The following NAV2 variants were observed in gnomAD, a reference collection of about 807,000 sequenced individuals.
NAV2 encodes neuron navigator 2.
In NAV2, 54 loss-of-function variants were observed where a neutral mutation model predicts 223.2. The observed-to-expected ratio is 0.24, with a 90% CI of 0.19 to 0.30. The LOEUF (loss-of-function observed/expected upper bound fraction) is 0.30. NAV2 is among the 10% of genes least tolerant of loss of function. The pLI is 1.00. For synonymous variants in NAV2, 1,279 were observed against 1,239.3 expected (o/e 1.03, Z -0.67); for missense variants, 2,806 against 3,147.5 (o/e 0.89, Z 2.60).
At chr11:19,601,449 G>T (rs2046347674) in intron 1 of NAV2, among the ~76,000 whole-genome samples, 1 of 152,106 alleles carries the variant, frequency 6.6e-6, no homozygotes. Flanking sequence ...GGTGCTCTTG[G>T]GTATGTGTGT....
intron 6 of NAV2, among the ~76,000 whole-genome samples, chr11:19,903,594 A>G (rs2042621111): frequency 6.6e-6 from 1 of 151,938 alleles, no homozygotes; most frequent in South Asian, 2.1e-4. Context: ...GTGGAGTGGG[A>G]AATCTAAATG....
intron 6 of NAV2, among the ~76,000 whole-genome samples, chr11:19,920,745 A>T (rs2044210447): frequency 6.6e-6 from 1 of 152,202 alleles, no homozygotes; most frequent in South Asian, 2.1e-4. Context: ...GAACCCATTC[A>T]CAAAGTTCGA....
chr11:20,054,071 T>C lies in NAV2; in HGVS notation c.4482-9T>C, dbSNP rs764639277. The C allele has an allele frequency of 1.2e-6, 2 of 1,611,764 alleles. No homozygotes were observed. Among genetic ancestry groups the C allele is most frequent in the Non-Finnish European group, 1.7e-6 (2 of 1,179,500 alleles). On this transcript the variant is annotated splice_polypyrimidine_tract_variant and intron_variant, in intron 17 of 37. Transcript: ENST00000349880. ...ATAGTTAATTCCGGCTTGATTTCTG[T>C]CTGTCCAGGTATACTCCCACCTCCC...
chr11:19,863,019 A>G (rs2153026625), intron 3 of NAV2, among the ~76,000 whole-genome samples: 1 of 152,244 alleles, frequency 6.6e-6, no homozygotes, highest in South Asian at 2.1e-4. Flanking sequence ...GTGACCACAA[A>G]TGTTGATATC....
chr11:19,966,898 A>C (rs1036224617), intron 10 of NAV2, among the ~76,000 whole-genome samples: 1 of 152,170 alleles, frequency 6.6e-6, no homozygotes, highest in African/African-American at 2.4e-5. Flanking sequence ...CCTGTTGTGT[A>C]TGCTTGGGTA....
At chr11:20,040,518 C>T (rs899597916) in intron 12 of NAV2, among the ~76,000 whole-genome samples, 1 of 152,136 alleles carries the variant, frequency 6.6e-6, no homozygotes, top group East Asian at 1.9e-4. Context: ...AGTGGCAGCA[C>T]CGAACACTTG....
In NAV2 at chr11:19,399,878, CG is replaced by C. The variant is rs1203882498; in HGVS notation, c.75+48853del. Among the ~76,000 whole-genome samples the C allele has an allele frequency of 2.0e-5, 3 of 152,202 alleles. No homozygotes were observed. The East Asian group carries it at 5.8e-4, about 29-fold the overall frequency. On this transcript the variant is annotated intron_variant, in intron 1 of 37. Transcript: ENST00000360655. ...CTCTGATGGGATGGCTCTAGGAGTA[CG>C]GAAGAGAAGCCCCTTACCCAGCCTG...
intron 1 of NAV2, among the ~76,000 whole-genome samples, chr11:19,634,332 T>C (rs1177386585): frequency 6.6e-6 from 1 of 152,140 alleles, no homozygotes; most frequent in East Asian, 1.9e-4. Context: ...CCCTGGGGTC[T>C]ACTTGAAGGT....
chr11:19,831,224 G>C (rs1475057049), intron 1 of NAV2, among the ~76,000 whole-genome samples: 1 of 40,390 alleles, frequency 2.5e-5, no homozygotes, highest in Non-Finnish European at 5.8e-5. Flanking sequence ...GGAGTGTTGC[G>C]GGGGGGGGGG....
intron 11 of NAV2, among the ~76,000 whole-genome samples, chr11:20,008,551 G>A (rs1394821009): frequency 6.6e-6 from 1 of 152,148 alleles, no homozygotes; most frequent in Non-Finnish European, 1.5e-5. Flanking sequence ...TCTTAAGCTT[G>A]ACCCTTAGGA....
chr11:19,631,578 A>G (rs1349344922), intron 1 of NAV2, among the ~76,000 whole-genome samples: 2 of 152,308 alleles, frequency 1.3e-5, no homozygotes, highest in Non-Finnish European at 1.5e-5. Context: ...GTGTGCTCTC[A>G]TTACCTCCCC....
At chr11:19,804,893 T>A (rs1215426753) in intron 1 of NAV2, among the ~76,000 whole-genome samples, 1 of 152,218 alleles carries the variant, frequency 6.6e-6, no homozygotes, top group East Asian at 1.9e-4. Context: ...TTATGAAGAC[T>A]GTGCATTCCC....
intron 1 of NAV2, among the ~76,000 whole-genome samples, chr11:19,431,235 G>A (rs994868864): frequency 3.9e-5 from 6 of 152,114 alleles, no homozygotes; most frequent in African/African-American, 7.2e-5. Context: ...AGTGGGAATC[G>A]GCACAGCAGG....
At chr11:20,073,673 T>C (rs1248869182) in intron 22 of NAV2, among the ~76,000 whole-genome samples, 4 of 152,192 alleles carry the variant, frequency 2.6e-5, no homozygotes, top group African/African-American at 7.2e-5. Context: ...GGAGGGTGTA[T>C]GTGTCCAGGA....
chr11:19,926,107 G>GA (rs150478776), intron 6 of NAV2, among the ~76,000 whole-genome samples: 12 of 151,546 alleles, frequency 7.9e-5, no homozygotes, highest in African/African-American at 1.2e-4. Flanking sequence ...TGTATGTCTG[G>GA]AAAAAAAAGA....
Position 20,044,251 on chromosome 11 carries a change from G to T in NAV2, c.3178G>T (p.Ala1060Ser). Residue 1060 changes from alanine to serine, a missense_variant, in exon 13 of 38, where the codon GCA (alanine) becomes TCA (serine). Coordinates refer to ENST00000349880, the MANE Select transcript of NAV2 (RefSeq NM_145117.5). ...PRTKPSAPAG[A>S]LKTPGTGKTD... The stretch of plus-strand genomic sequence containing the variant: ...GACGAAGCCTTCAGCCCCGGCAGGC[G>T]CACTGAAGACCCCAGGAACTGGTAA... 4.3e-6 allele frequency: 7 copies of T among 1,611,588 alleles called. No individual in the cohort carries two copies. The highest frequency in any genetic ancestry group is 5.9e-6 in the Non-Finnish European group (7 of 1,178,074).
chr11:19,714,100 C>A, intron 1 of NAV2, 138 bp downstream of exon 1: 2 of 1,293,276 alleles, frequency 1.5e-6, no homozygotes, highest in Non-Finnish European at 2.1e-6. Flanking sequence ...CTTAGGCCGG[C>A]AGGTTGGGGG....
intron 7 of NAV2, among the ~76,000 whole-genome samples, chr11:19,935,076 GGC>G (rs1261591915): frequency 6.6e-6 from 1 of 152,104 alleles, no homozygotes. Flanking sequence ...GGGATTCAGG[GGC>G]CACGTCATAC....
At chr11:19,958,959 A>G (rs1013137273) in intron 10 of NAV2, among the ~76,000 whole-genome samples, 1 of 152,220 alleles carries the variant, frequency 6.6e-6, no homozygotes, top group African/African-American at 2.4e-5. Flanking sequence ...ACAGATGCAC[A>G]ATGAGTTTAA....
Sources: gnomAD v4.1 joint callset for allele counts (sites outside exome capture counted in the v4.1 genomes callset) on GRCh38, gnomAD v4.1.1 for gene constraint, MANE v1.5 for transcripts, NCBI Gene and HGNC (gene_info 2026-07-23, HGNC 2026-07-21) for gene names.